The following DGKB variants were observed in gnomAD, a reference collection of about 807,000 sequenced individuals.
The protein encoded by DGKB is diacylglycerol kinase beta, also known as 90 kDa diacylglycerol kinase.
Under a neutral mutation model 114.3 loss-of-function variants are expected in DGKB, and 67 were observed. That is an observed-to-expected ratio of 0.59 (90% confidence interval 0.48 to 0.72). DGKB has a LOEUF of 0.72. DGKB is among the 30% of genes least tolerant of loss of function. The pLI is 0.00. For missense variants in DGKB, 907 were observed against 975.2 expected (o/e 0.93, Z 0.93); for synonymous variants, 398 against 323.1 (o/e 1.23, Z -2.49).
intron 23 of DGKB, among the ~76,000 whole-genome samples, chr7:14,180,103 T>C (rs1198590090): frequency 6.6e-6 from 1 of 152,174 alleles, no homozygotes; most frequent in Non-Finnish European, 1.5e-5. Context: ...CCTGCTGATA[T>C]TTATAAAACA....
chr7:14,299,596 C>T (rs1803155668), intron 23 of DGKB, among the ~76,000 whole-genome samples: 1 of 152,008 alleles, frequency 6.6e-6, no homozygotes, highest in Non-Finnish European at 1.5e-5. Context: ...GTGTTTTAGC[C>T]GCCCCTCACC....
At chr7:14,559,646 T>C (rs1206347294) in intron 20 of DGKB, among the ~76,000 whole-genome samples, 1 of 152,212 alleles carries the variant, frequency 6.6e-6, no homozygotes, top group Non-Finnish European at 1.5e-5. Context: ...ATCATGAATT[T>C]ATTAAATTAT....
rs13239382 is a variant in DGKB, at chr7:14,841,205, T to A, written c.59A>T (p.Lys20Ile). Reference protein sequence around the residue: ...LSPSEFSQLQKYAEYSTKKLK... With the variant: ...LSPSEFSQLQIYAEYSTKKLK... Reference sequence around the variant, plus strand: ...ATATGAATACTTACACTCAGCATATTTCTGAAGTTGGGAAAATTCCGAAGG... The same window carrying A: ...ATATGAATACTTACACTCAGCATATATCTGAAGTTGGGAAAATTCCGAAGG... Residue 20 changes from lysine to isoleucine, a missense_variant, in exon 2 of 26, where the codon AAA becomes ATA. Lys to Ile is a moderately radical substitution (Grantham distance 102, BLOSUM62 -3). Transcript: ENST00000402815. The A allele has an allele frequency of 9.5e-4, 1,532 of 1,612,848 alleles. 1 individual carries two copies. Among genetic ancestry groups the A allele is most frequent in the Non-Finnish European group, 1.1e-3 (1,342 of 1,179,394 alleles).
At chr7:14,918,352 A>T (rs1270580127) in intron 1 of DGKB, among the ~76,000 whole-genome samples, 1 of 152,180 alleles carries the variant, frequency 6.6e-6, no homozygotes, top group Non-Finnish European at 1.5e-5. Context: ...AAAGAACAAC[A>T]AAAATGAAAC....
chr7:14,235,538 C>A (rs1412199492), intron 23 of DGKB, among the ~76,000 whole-genome samples: 3 of 151,904 alleles, frequency 2.0e-5, no homozygotes, highest in African/African-American at 7.3e-5. Flanking sequence ...CAGTATTTGA[C>A]CATTACTGTT....
chr7:14,678,531 G>A (rs142134701), intron 12 of DGKB, among the ~76,000 whole-genome samples: 27 of 152,146 alleles, frequency 1.8e-4, no homozygotes, highest in Non-Finnish European at 2.5e-4. Flanking sequence ...ATGGCAGAGG[G>A]TGTGTGTAGA....
At position 14,653,295 on chromosome 7, in the gene DGKB, C is replaced by T. The variant is rs868335070; in HGVS notation, c.1134+19634G>A. 9.0e-3 allele frequency among the ~76,000 whole-genome samples: 1,367 copies of T among 151,710 alleles called. 17 individuals carry two copies. Among genetic ancestry groups the T allele is most frequent in the African/African-American group, 0.031 (1,258 of 41,218 alleles). On this transcript the variant is annotated intron_variant, in intron 13 of 25. Coordinates refer to ENST00000402815, the MANE Select transcript of DGKB (RefSeq NM_001350709.2). ...GATAGACTGGATTAAGAAAATGTGG[C>T]GCATATACACCATGGAATACTATGC...
At chr7:14,394,277 T>C (rs1821896275) in intron 21 of DGKB, among the ~76,000 whole-genome samples, 1 of 152,218 alleles carries the variant, frequency 6.6e-6, no homozygotes, top group Non-Finnish European at 1.5e-5. Flanking sequence ...ATTAGAGTTA[T>C]ACTAAATTGT....
intron 21 of DGKB, among the ~76,000 whole-genome samples, chr7:14,454,459 CTG>C (rs1831986122): frequency 6.6e-6 from 1 of 152,046 alleles, no homozygotes; most frequent in African/African-American, 2.4e-5. Flanking sequence ...TGCAGTAACT[CTG>C]TGAGATTGTC....
intron 20 of DGKB, among the ~76,000 whole-genome samples, chr7:14,500,522 C>T (rs1785999950): frequency 6.6e-6 from 1 of 150,870 alleles, no homozygotes. Context: ...ATCAAGAGTA[C>T]AAGTTTATTT....
At chr7:14,763,705 G>A (rs1410875897) in intron 2 of DGKB, among the ~76,000 whole-genome samples, 2 of 152,010 alleles carry the variant, frequency 1.3e-5, no homozygotes, top group African/African-American at 4.8e-5. Context: ...TAAAGATCAA[G>A]GCCAATAATT....
At chr7:14,248,603 AT>A (rs990717832) in intron 23 of DGKB, among the ~76,000 whole-genome samples, 4 of 151,810 alleles carry the variant, frequency 2.6e-5, no homozygotes, top group African/African-American at 9.7e-5. Flanking sequence ...TTATTTTTTG[AT>A]GCTATTTTAA....
chr7:14,348,780 C>A (rs1311562794), intron 21 of DGKB, among the ~76,000 whole-genome samples: 2 of 151,540 alleles, frequency 1.3e-5, no homozygotes, highest in African/African-American at 4.8e-5. Flanking sequence ...AAGAGTCCTG[C>A]AAGCTTTAGA....
intron 23 of DGKB, among the ~76,000 whole-genome samples, chr7:14,317,027 C>CA (rs1385498846): frequency 1.9e-5 from 1 of 53,670 alleles, no homozygotes; most frequent in Non-Finnish European, 3.5e-5. Context: ...GAGCCAAAGA[C>CA]AAAAACCACA....
At chr7:14,199,445 G>T (rs1224489796) in intron 23 of DGKB, among the ~76,000 whole-genome samples, 2 of 151,964 alleles carry the variant, frequency 1.3e-5, no homozygotes, top group Non-Finnish European at 2.9e-5. Flanking sequence ...TCCGGAAAGG[G>T]CAAAAATATG....
At chr7:14,947,501 A>T (rs548813978) in intron 1 of DGKB, among the ~76,000 whole-genome samples, 17 of 151,942 alleles carry the variant, frequency 1.1e-4, no homozygotes, top group African/African-American at 3.4e-4. Flanking sequence ...ATGTTAAAAC[A>T]AAGTCATAAA....
intron 21 of DGKB, among the ~76,000 whole-genome samples, chr7:14,442,367 AT>A (rs1164430741): frequency 6.6e-6 from 1 of 151,936 alleles, no homozygotes; most frequent in South Asian, 2.1e-4. Context: ...TATTCTTAAT[AT>A]TGATTCTTAA....
intron 15 of DGKB, among the ~76,000 whole-genome samples, chr7:14,620,468 G>A (rs552448399): frequency 7.9e-5 from 12 of 151,292 alleles, no homozygotes; most frequent in Admixed American, 5.3e-4. Context: ...TATAGTATCA[G>A]AAATAAAATA....
At chr7:14,462,994 G>T (rs1438895396) in intron 21 of DGKB, among the ~76,000 whole-genome samples, 3 of 152,140 alleles carry the variant, frequency 2.0e-5, no homozygotes, top group South Asian at 4.1e-4. Flanking sequence ...AATGGGGAAA[G>T]GATTCCCTAT....
Sources: allele counts gnomAD v4.1 joint callset (sites outside exome capture counted in the v4.1 genomes callset), GRCh38; gene constraint gnomAD v4.1.1; transcripts MANE v1.5; gene names NCBI Gene and HGNC (gene_info 2026-07-23, HGNC 2026-07-21).